Variants in ASCC3 observed in about 807,000 individuals in gnomAD.
ASCC3 encodes ASC-1 complex subunit P200.
ASCC3 carries 158 observed loss-of-function variants against 256.3 expected under a neutral mutation model. The ratio of observed to expected loss-of-function variants is 0.62; its 90% CI spans 0.54 to 0.70. The LOEUF (loss-of-function observed/expected upper bound fraction) is 0.70, where lower values mean the gene tolerates loss of function less well. ASCC3 is among the 30% of genes least tolerant of loss of function. The pLI is 0.00. For synonymous variants in ASCC3, 948 were observed against 883.4 expected (o/e 1.07, Z -1.30); for missense variants, 2,259 against 2,626.0 (o/e 0.86, Z 3.05).
chr6:100,795,627 T>C (rs924648010), intron 8 of ASCC3, among the ~76,000 whole-genome samples: 1 of 152,142 alleles, frequency 6.6e-6, no homozygotes, highest in Non-Finnish European at 1.5e-5. Context: ...TCCAAGAAAG[T>C]ACAAAATCCA....
At chr6:100,632,039 G>T (rs2114868201) in intron 25 of ASCC3, among the ~76,000 whole-genome samples, 1 of 151,868 alleles carries the variant, frequency 6.6e-6, no homozygotes, top group South Asian at 2.1e-4. Context: ...ATTTTAGTGT[G>T]ATGTACTCAC....
chr6:100,653,581 T>G (rs977511249), intron 17 of ASCC3, among the ~76,000 whole-genome samples: 3 of 151,390 alleles, frequency 2.0e-5, no homozygotes, highest in Non-Finnish European at 4.4e-5. Context: ...GAGGTTGCAG[T>G]GAGCCAAGAT....
intron 4 of ASCC3, among the ~76,000 whole-genome samples, chr6:100,834,194 G>T (rs1156430794): frequency 2.0e-5 from 3 of 152,162 alleles, no homozygotes; most frequent in Non-Finnish European, 4.4e-5. Flanking sequence ...TATGAGATTT[G>T]TCATTAGGTC....
At chr6:100,831,771 A>G (rs1771629980) in intron 4 of ASCC3, among the ~76,000 whole-genome samples, 1 of 152,204 alleles carries the variant, frequency 6.6e-6, no homozygotes, top group Non-Finnish European at 1.5e-5. Context: ...ATCATCAATG[A>G]AACATAAGAA....
At chr6:100,712,018 G>T (rs1260405228) in intron 13 of ASCC3, among the ~76,000 whole-genome samples, 1 of 152,104 alleles carries the variant, frequency 6.6e-6, no homozygotes. Context: ...AACAAGGAGT[G>T]AATATAGTCT....
At chr6:100,737,494 C>A (rs1342796556) in intron 10 of ASCC3, among the ~76,000 whole-genome samples, 1 of 152,108 alleles carries the variant, frequency 6.6e-6, no homozygotes, top group Non-Finnish European at 1.5e-5. Context: ...GTTTTCTGTT[C>A]CTGCATTAGG....
chr6:100,838,635 T>C (rs574425972), intron 4 of ASCC3, among the ~76,000 whole-genome samples: 1 of 152,190 alleles, frequency 6.6e-6, no homozygotes, highest in East Asian at 1.9e-4. Context: ...TACAACTTAA[T>C]TAAGACAACT....
chr6:100,877,446 T>C (rs1439067941), intron 1 of ASCC3, among the ~76,000 whole-genome samples: 1 of 152,202 alleles, frequency 6.6e-6, no homozygotes, highest in African/African-American at 2.4e-5. Flanking sequence ...ATTGTGCCTT[T>C]TTTAAAAATT....
chr6:100,623,201 G>A (rs1458171387), intron 30 of ASCC3, among the ~76,000 whole-genome samples: 1 of 151,712 alleles, frequency 6.6e-6, no homozygotes, highest in Non-Finnish European at 1.5e-5. Flanking sequence ...AATAATACAG[G>A]ATAAAAAAAT....
intron 36 of ASCC3, among the ~76,000 whole-genome samples, chr6:100,560,034 T>A (rs1302874069): frequency 6.6e-6 from 1 of 152,092 alleles, no homozygotes; most frequent in African/African-American, 2.4e-5. Flanking sequence ...AATAGAATGG[T>A]TATACATTAG....
chr6:100,841,753 G>A (rs1772154400), intron 4 of ASCC3, among the ~76,000 whole-genome samples: 2 of 152,030 alleles, frequency 1.3e-5, no homozygotes, highest in Admixed American at 6.6e-5. Context: ...TCATATAGGA[G>A]TTGATGCCTA....
intron 36 of ASCC3, among the ~76,000 whole-genome samples, chr6:100,583,263 A>C (rs921730193): frequency 3.3e-5 from 5 of 152,244 alleles, no homozygotes; most frequent in African/African-American, 1.2e-4. Flanking sequence ...ACAATTTCAA[A>C]TCCTGTTATT....
intron 37 of ASCC3, among the ~76,000 whole-genome samples, chr6:100,535,659 G>C (rs917598187): frequency 1.3e-5 from 2 of 151,858 alleles, no homozygotes; most frequent in African/African-American, 4.8e-5. Context: ...AGTAGAGATG[G>C]GGTTTCACCA....
At chr6:100,841,529 T>A (rs1036747236) in intron 4 of ASCC3, among the ~76,000 whole-genome samples, 14 of 152,234 alleles carry the variant, frequency 9.2e-5, no homozygotes, top group African/African-American at 3.1e-4. Context: ...GGTTAGCAGT[T>A]CCTAAATTGG....
chr6:100,717,242 A>G (rs937917537), intron 12 of ASCC3, among the ~76,000 whole-genome samples: 3 of 151,964 alleles, frequency 2.0e-5, no homozygotes, highest in African/African-American at 7.2e-5. Flanking sequence ...ATAATAGTAC[A>G]AGGTAAAAAT....
At chr6:100,780,623 A>C (rs1782397234) in intron 8 of ASCC3, among the ~76,000 whole-genome samples, 1 of 152,146 alleles carries the variant, frequency 6.6e-6, no homozygotes, top group Non-Finnish European at 1.5e-5. Context: ...ATAAAAAACT[A>C]CATATTAAGG....
Position 100,876,493 on chromosome 6 carries a change from T to C in ASCC3, c.-42+4568A>G, listed in dbSNP as rs1326002793. Among the ~76,000 whole-genome samples the C allele has an allele frequency of 2.6e-5, 4 of 152,274 alleles. No individual in the cohort carries two copies. In the East Asian group the frequency reaches 7.7e-4, roughly 29 times the overall value. ...TTGTAACACAGAGGCAGTGGGACAA[T>C]GAAGCCTAAATGATAAGGGTTATTA... On this transcript the variant is annotated intron_variant, in intron 1 of 41. Transcript: ENST00000369162.
At chr6:100,666,811 G>T (rs928907938) in intron 14 of ASCC3, among the ~76,000 whole-genome samples, 5 of 151,908 alleles carry the variant, frequency 3.3e-5, no homozygotes, top group African/African-American at 1.2e-4. Context: ...CCTAAGAAGA[G>T]TACCTCCTAA....
At chr6:100,777,147 T>C (rs2115159095) in intron 8 of ASCC3, among the ~76,000 whole-genome samples, 1 of 152,286 alleles carries the variant, frequency 6.6e-6, no homozygotes, top group Middle Eastern at 3.4e-3. Context: ...ACTTGAGTAT[T>C]CATTAGATGA....
Sources: allele counts gnomAD v4.1 joint callset (sites outside exome capture counted in the v4.1 genomes callset), GRCh38; gene constraint gnomAD v4.1.1; transcripts MANE v1.5; gene names NCBI Gene and HGNC (gene_info 2026-07-23, HGNC 2026-07-21).